DCT: variants seen among roughly 807,000 people sequenced by gnomAD.
DCT encodes dopachrome tautomerase, also known as L-dopachrome tautomerase.
A neutral mutation model predicts 53.0 loss-of-function variants in DCT; 47 were observed. The ratio of observed to expected loss-of-function variants is 0.89; its 90% confidence interval spans 0.70 to 1.13. DCT has a LOEUF of 1.13. Among genes scored for constraint, DCT ranks in the 50% most tolerant of loss-of-function variants. DCT has a pLI of 0.00. For missense variants in DCT, 669 were observed against 637.4 expected, an observed-to-expected ratio of 1.05 and a Z score of -0.53; for synonymous variants, 244 against 237.0, an observed-to-expected ratio of 1.03 and a Z score of -0.27.
At chr13:94,521,923 C>A in the DCT span, among the ~76,000 whole-genome samples, 474 of 152,274 alleles carry the variant, frequency 3.1e-3, 2 homozygotes, top group African/African-American at 0.011. Flanking sequence ...CCGTTTCTCC[C>A]AGCCATAAAC....
the DCT span, among the ~76,000 whole-genome samples, chr13:94,528,165 G>A: frequency 6.6e-6 from 1 of 152,134 alleles, no homozygotes; most frequent in Non-Finnish European, 1.5e-5. Context: ...GCATTTGATT[G>A]GTGTACCAAA....
chr13:94,540,793 C>T, the DCT span, among the ~76,000 whole-genome samples: 2 of 152,152 alleles, frequency 1.3e-5, no homozygotes, highest in Non-Finnish European at 2.9e-5. Context: ...AATCCCACTA[C>T]TAGGTAAATA....
At chr13:94,514,903 C>A in the DCT span, among the ~76,000 whole-genome samples, 1 of 152,194 alleles carries the variant, frequency 6.6e-6, no homozygotes, top group African/African-American at 2.4e-5. Context: ...AATGTTTGTA[C>A]CCCCTACTTC....
At chr13:94,462,658 T>C (rs1459219713) in intron 4 of DCT, among the ~76,000 whole-genome samples, 7 of 152,188 alleles carry the variant, frequency 4.6e-5, no homozygotes, top group Non-Finnish European at 1.0e-4. Context: ...AAAAGTACTA[T>C]ACCTGAAAGT....
the DCT span, among the ~76,000 whole-genome samples, chr13:94,524,184 C>T: frequency 6.6e-6 from 1 of 152,186 alleles, no homozygotes; most frequent in East Asian, 1.9e-4. Context: ...ACAATACATT[C>T]TAGGTAGCTC....
At chr13:94,515,476 C>G in the DCT span, among the ~76,000 whole-genome samples, 845 of 152,258 alleles carry the variant, frequency 5.5e-3, 13 homozygotes, top group African/African-American at 0.019. Context: ...AAGTAAACAC[C>G]ATGGTTAAGG....
At chr13:94,502,967 T>C in the DCT span, among the ~76,000 whole-genome samples, 8 of 152,224 alleles carry the variant, frequency 5.3e-5, no homozygotes, top group South Asian at 1.7e-3. Flanking sequence ...AGAGGTGGGT[T>C]ATAAAATATT....
the DCT span, among the ~76,000 whole-genome samples, chr13:94,493,469 T>C: frequency 0.017 from 2,549 of 152,290 alleles, 35 homozygotes; most frequent in Non-Finnish European, 0.026. Context: ...CAGATAAACA[T>C]TCATTACCTT....
the DCT span, among the ~76,000 whole-genome samples, chr13:94,486,089 G>A: frequency 6.6e-6 from 1 of 152,198 alleles, no homozygotes; most frequent in Non-Finnish European, 1.5e-5. Flanking sequence ...GCCAGACCTC[G>A]GGTAACAAGC....
intron 1 of DCT, among the ~76,000 whole-genome samples, chr13:94,474,352 C>G (rs1026296711): frequency 1.3e-5 from 2 of 152,186 alleles, no homozygotes; most frequent in African/African-American, 4.8e-5. Context: ...AGCTTAAAGA[C>G]CACCGATTAG....
the DCT span, among the ~76,000 whole-genome samples, chr13:94,543,010 G>A: frequency 6.6e-6 from 1 of 152,184 alleles, no homozygotes; most frequent in Non-Finnish European, 1.5e-5. Context: ...CTTTGACATA[G>A]AATAAGTAAC....
chr13:94,506,523 C>T, the DCT span, among the ~76,000 whole-genome samples: 52 of 152,112 alleles, frequency 3.4e-4, no homozygotes, highest in Non-Finnish European at 6.5e-4. Context: ...ATTATGAGTT[C>T]ATACTTATAT....
At chr13:94,488,721 TATACACACACACACAC>T in the DCT span, among the ~76,000 whole-genome samples, 52 of 74,650 alleles carry the variant, frequency 7.0e-4, 1 homozygote, top group African/African-American at 3.2e-3. Context: ...TTGTCTAATA[TATACACACACACACAC>T]ACACACACAC....
the DCT span, among the ~76,000 whole-genome samples, chr13:94,499,436 A>C: frequency 3.4e-5 from 5 of 146,418 alleles, no homozygotes; most frequent in African/African-American, 1.3e-4. Flanking sequence ...CAAAGCAATA[A>C]AAGGACCAAA....
the DCT span, among the ~76,000 whole-genome samples, chr13:94,521,469 G>A: frequency 6.1e-3 from 933 of 152,294 alleles, 14 homozygotes; most frequent in African/African-American, 0.02. Context: ...TCAGGAGTTC[G>A]AGACCAGCCT....
In DCT at chr13:94,443,577, CAGG is replaced by C. The variant is rs1166586993; in HGVS notation, c.1237_1239del (p.Pro413del). The stretch of plus-strand genomic sequence containing the variant: ...GCCAGCTCCTGAGGCCAGGCATCTG[CAGG>C]AGGATTAAATCTTTTCATCCACTCA... On this transcript the variant is annotated inframe_deletion, in exon 7 of 8. Coordinates refer to ENST00000377028, the MANE Select transcript of DCT (RefSeq NM_001922.5). 2 of 1,614,032 alleles carry C rather than the reference CAGG, an allele frequency of 1.2e-6. No homozygotes were observed. Among genetic ancestry groups the C allele is most frequent in the Non-Finnish European group, 1.7e-6 (2 of 1,179,958 alleles).
chr13:94,541,504 CAAAAAAAAAAGA>C, the DCT span, among the ~76,000 whole-genome samples: 454 of 129,524 alleles, frequency 3.5e-3, 1 homozygote, highest in African/African-American at 0.012. Context: ...AACCCTGTCT[CAAAAAAAAAAGA>C]AAAAAAAAAG....
At position 94,479,067 on chromosome 13, in the gene DCT, C is replaced by T. The variant is rs1885296763; in HGVS notation, c.189G>A (p.Glu63=). 4 of 1,614,142 alleles carry T rather than the reference C, an allele frequency of 2.5e-6. No homozygotes were observed. In the African/African-American group the frequency reaches 5.3e-5, roughly 22 times the overall value. ...GSQQGRGQCT[E]VRADTRPWSG... ...TCCAGGGCCTTGTGTCGGCTCGCAC[C>T]TCTGTGCACTGCCCCCGGCCTTGCT... The change falls in exon 1 of 8, where the codon GAG becomes GAA. Residue 63 remains glutamate, a synonymous_variant. Coordinates refer to ENST00000377028, the MANE Select transcript of DCT (RefSeq NM_001922.5).
At chr13:94,510,009 A>C in the DCT span, among the ~76,000 whole-genome samples, 2 of 145,428 alleles carry the variant, frequency 1.4e-5, no homozygotes, top group African/African-American at 5.3e-5. Context: ...CTGATGAATG[A>C]TATTCAGTTG....
Sources: gnomAD v4.1 joint callset for allele counts (sites outside exome capture counted in the v4.1 genomes callset) on GRCh38, gnomAD v4.1.1 for gene constraint, MANE v1.5 for transcripts, NCBI Gene and HGNC (gene_info 2026-07-23, HGNC 2026-07-21) for gene names.